Variants in BCAN observed in about 807,000 individuals in gnomAD.
The protein encoded by BCAN is brevican.
Under a neutral mutation model 92.4 loss-of-function variants are expected in BCAN, and 51 were observed. The observed-to-expected ratio is 0.55, with a 90% CI of 0.44 to 0.70. The LOEUF is 0.70. Among genes scored for constraint, BCAN ranks in the 30% least tolerant of loss-of-function variants. The pLI is 0.00. For missense variants in BCAN, 1,140 were observed against 1,212.1 expected (o/e 0.94, Z 0.88); for synonymous variants, 501 against 505.2 (o/e 0.99, Z 0.11).
In BCAN at chr1:156,659,050, G is replaced by A. The variant is rs1350215211; in HGVS notation, c.2652G>A (p.Glu884=). 5.6e-6 allele frequency: 9 copies of A among 1,601,392 alleles called. No individual in the cohort carries two copies. The highest frequency in any genetic ancestry group is 1.3e-5 in the African/African-American group (1 of 74,816). The change falls in exon 14 of 14, where the codon GAG becomes GAA. Residue 884 remains glutamate (E), a synonymous_variant. Transcript: ENST00000329117. ...RRPARALHPE[E]DPEGRQGRLL... is the part of the protein sequence containing the mutation. Reference sequence around the variant, plus strand: ...AGGCCCGAGCTCTGCACCCAGAGGAGGACCCAGAAGGACGTCAGGGGAGGC... The same window carrying A: ...AGGCCCGAGCTCTGCACCCAGAGGAAGACCCAGAAGGACGTCAGGGGAGGC...
chr1:156,647,742 TCTGCTGGGTGCTGC>T lies in BCAN; in HGVS notation c.641+67_641+80del. On this transcript the variant is annotated intron_variant, in intron 4 of 13. Transcript: ENST00000329117. The surrounding 1 kb of genome is among the most constrained non-coding windows in gnomAD (Gnocchi z 4.8). ...CCCCTGAGGTGGCCATGGCCCCCCT[TCTGCTGGGTGCTGC>T]CTGCTGTGTCAGGCTGGACATGCAG... 1.3e-6 allele frequency: 2 copies of T among 1,554,606 alleles called. No individual in the cohort carries two copies. The highest frequency in any genetic ancestry group is 3.7e-4 in the Middle Eastern group (2 of 5,370).
In BCAN at chr1:156,652,242, G is replaced by A. The variant is rs1476986806; in HGVS notation, c.1298-6G>A. 3 of 1,578,718 alleles carry A rather than the reference G, an allele frequency of 1.9e-6. No homozygotes were observed. Among genetic ancestry groups the A allele is most frequent in the Non-Finnish European group, 1.7e-6 (2 of 1,163,676 alleles). The stretch of plus-strand genomic sequence containing the variant: ...CCTGGTGCTGAACCGTTTGTGCTTT[G>A]CCTAGAATTTGAAACACAATCCATG... On this transcript the variant is annotated splice_polypyrimidine_tract_variant and splice_region_variant and intron_variant, in intron 7 of 13. Transcript: ENST00000329117.
chr1:156,642,532 C>T lies in BCAN; in HGVS notation c.-9+257C>T, dbSNP rs1029286153. The T allele has an allele frequency of 6.6e-6, 1 of 152,396 alleles. No individual in the cohort carries two copies. Among genetic ancestry groups the T allele is most frequent in the Non-Finnish European group, 1.5e-5 (1 of 68,160 alleles). 9.4% of individuals were successfully genotyped at this position (152,396 alleles called of 1,614,324 possible). ...CTGCTGCTCGCAGTCTGATCAGCAA[C>T]CCCTCGGGTCCTCGCATCTTCCCTG... is the stretch of plus-strand genomic sequence containing the variant. On this transcript the variant is annotated intron_variant, in intron 1 of 13. Coordinates refer to ENST00000329117, the MANE Select transcript of BCAN (RefSeq NM_021948.5). This position sits in a 1 kb window ranked among gnomAD's most constrained non-coding sequence, Gnocchi z 4.2.
intron 7 of BCAN, 76 bp downstream of exon 7, chr1:156,651,765 G>A: frequency 7.6e-7 from 1 of 1,320,914 alleles, no homozygotes; most frequent in Non-Finnish European, 1.0e-6. Context: ...CCAGGTTGAT[G>A]CTAGGGTGAT....
intron 10 of BCAN, 67 bp downstream of exon 10, chr1:156,657,163 C>A (rs1435015258): frequency 6.4e-7 from 1 of 1,572,344 alleles, no homozygotes. Flanking sequence ...CTCGCCTAAC[C>A]GCCTTCCTCA....
Position 156,647,203 on chromosome 1 carries a change from AGG to A in BCAN, c.466+30_466+31del. 1 of 184,328 alleles carries A rather than the reference AGG, an allele frequency of 5.4e-6. No homozygotes were observed. The highest frequency in any genetic ancestry group is 1.1e-5 in the Non-Finnish European group (1 of 89,692). 11.4% of individuals were successfully genotyped at this position (184,328 alleles called of 1,614,324 possible). A position where few individuals can be genotyped will look rare whatever the true frequency, so the allele number is the denominator to read the frequency against. ...GAGAGGGCAGGGAGGTTCCAGAGGG[AGG>A]GAGGGAGGGAGGGAAGGGAGGACTC... On this transcript the variant is annotated intron_variant, in intron 3 of 13. Coordinates refer to ENST00000329117, the MANE Select transcript of BCAN (RefSeq NM_021948.5). The surrounding 1 kb of genome is among the most constrained non-coding windows in gnomAD (Gnocchi z 4.8).
At chr1:156,651,717 G>A (rs778527596) in intron 7 of BCAN, 28 bp downstream of exon 7, 3 of 1,561,964 alleles carry the variant, frequency 1.9e-6, no homozygotes, top group Non-Finnish European at 2.6e-6. Flanking sequence ...TCCTAAGGAT[G>A]TCTTGATTGA....
At chr1:156,655,984 C>T (rs1056651607) in intron 8 of BCAN, among the ~76,000 whole-genome samples, 36 of 152,320 alleles carry the variant, frequency 2.4e-4, no homozygotes, top group African/African-American at 8.7e-4. Flanking sequence ...GGGCTGGGTT[C>T]TCAGGGCTCT....
At chr1:156,652,184 C>G in intron 7 of BCAN, 64 bp from the exon 8 acceptor site, 2 of 1,524,576 alleles carry the variant, frequency 1.3e-6, no homozygotes, top group Non-Finnish European at 1.8e-6. Context: ...CTCCCCTTCC[C>G]TTTTTCCTTT....
chr1:156,659,135 G>T lies in BCAN; in HGVS notation c.*1G>T. 6.4e-7 allele frequency: 1 copy of T among 1,567,754 alleles called. No individual in the cohort carries two copies. ...TTCCAGCCCCATGCCAGGTCCCTAG[G>T]GGGCAAGGCCTTGAACACTGCCGGC... On this transcript the variant is annotated 3_prime_UTR_variant, in exon 14 of 14. Coordinates refer to ENST00000329117, the MANE Select transcript of BCAN (RefSeq NM_021948.5).
At position 156,658,090 on chromosome 1, in the gene BCAN, G is replaced by A. The variant is rs372343512; in HGVS notation, c.2293-37G>A. On this transcript the variant is annotated intron_variant, in intron 11 of 13. Coordinates refer to ENST00000329117, the MANE Select transcript of BCAN (RefSeq NM_021948.5). The surrounding 1 kb of genome is among the most constrained non-coding windows in gnomAD (Gnocchi z 4.4). Reference sequence around the variant, plus strand: ...TCTAGGCCCTCTCCCGGTGCTCCTGGTGTAGGAGCTCCTCACCACCTCCTC... The same window carrying A: ...TCTAGGCCCTCTCCCGGTGCTCCTGATGTAGGAGCTCCTCACCACCTCCTC... 5.6e-6 allele frequency: 9 copies of A among 1,605,274 alleles called. No homozygotes were observed. The highest frequency in any genetic ancestry group is 1.3e-5 in the African/African-American group (1 of 74,882).
Position 156,658,938 on chromosome 1 carries a change from T to C in BCAN, c.2629-89T>C, listed in dbSNP as rs1679432549. 1.7e-5 allele frequency: 23 copies of C among 1,380,814 alleles called. No homozygotes were observed. Among genetic ancestry groups the C allele is most frequent in the Non-Finnish European group, 2.3e-5 (23 of 1,003,022 alleles). The allele number at this position is 1,380,814 out of a possible 1,614,324, so 85.5% of individuals were successfully genotyped here. A position where few individuals can be genotyped will look rare whatever the true frequency, so the allele number is the denominator to read the frequency against. ...TAACATGCAGCCCCATTCTGGGCTC[T>C]TACGGGCTGAGCAAGAACATCAGAG... On this transcript the variant is annotated intron_variant, in intron 13 of 13. Transcript: ENST00000329117. This position sits in a 1 kb window ranked among gnomAD's most constrained non-coding sequence, Gnocchi z 4.4.
In BCAN at chr1:156,658,522, C is replaced by T. The variant is rs1219621982; in HGVS notation, c.2438-21C>T. ...GTCACCCACAGAGCCAGGCTCAGTT[C>T]CTAACTGTCTTCCTTTGCAGTGTCC... On this transcript the variant is annotated intron_variant, in intron 12 of 13. Coordinates refer to ENST00000329117, the MANE Select transcript of BCAN (RefSeq NM_021948.5). The surrounding 1 kb of genome is among the most constrained non-coding windows in gnomAD (Gnocchi z 4.4). The T allele has an allele frequency of 6.8e-6, 11 of 1,605,930 alleles. No individual in the cohort carries two copies. Among genetic ancestry groups the T allele is most frequent in the Non-Finnish European group, 8.5e-6 (10 of 1,174,246 alleles).
At position 156,646,965 on chromosome 1, in the gene BCAN, C is replaced by CGGGAGG. The variant is rs1447411481; in HGVS notation, c.257_262dup (p.Glu87_Ala88insGlyGlu). ...CAAGTGGACTTTCCTGTCCCGGGGC[C>CGGGAGG]GGGAGGCAGAGGTGCTGGTGGCGCG... On this transcript the variant is annotated inframe_insertion, in exon 3 of 14. Transcript: ENST00000329117. 4 of 1,612,774 alleles carry CGGGAGG rather than the reference C, an allele frequency of 2.5e-6. No individual in the cohort carries two copies. Among genetic ancestry groups the CGGGAGG allele is most frequent in the Admixed American group, 1.7e-5 (1 of 59,956 alleles).
rs772819243 is a variant in BCAN, at chr1:156,658,522, CCTAA to C, written c.2438-18_2438-15del. On this transcript the variant is annotated splice_polypyrimidine_tract_variant and intron_variant, in intron 12 of 13. Transcript: ENST00000329117. This position sits in a 1 kb window ranked among gnomAD's most constrained non-coding sequence, Gnocchi z 4.4. ...GTCACCCACAGAGCCAGGCTCAGTT[CCTAA>C]CTGTCTTCCTTTGCAGTGTCCTGTG... The C allele has an allele frequency of 3.1e-6, 5 of 1,605,930 alleles. No individual in the cohort carries two copies. Among genetic ancestry groups the C allele is most frequent in the African/African-American group, 2.7e-5 (2 of 74,932 alleles).
chr1:156,654,954 C>T (rs1290265548), intron 8 of BCAN, among the ~76,000 whole-genome samples: 2 of 152,214 alleles, frequency 1.3e-5, no homozygotes, highest in Non-Finnish European at 2.9e-5. Flanking sequence ...TCTTTGAATC[C>T]ACTCCAGCTT....
Position 156,658,144 on chromosome 1 carries a change from C to T in BCAN, c.2310C>T (p.Asn770=), listed in dbSNP as rs775564527. The stretch of plus-strand genomic sequence containing the variant: ...TCCCCCAGCTCTATGAGAACTGGAA[C>T]CCTGGGCAGCCTGACAGCTACTTCC... ...DGVPLLYENW[N]PGQPDSYFLS... Residue 770 remains asparagine, a synonymous_variant, in exon 12 of 14, where the codon AAC becomes AAT. Coordinates refer to ENST00000329117, the MANE Select transcript of BCAN (RefSeq NM_021948.5). This position sits in a 1 kb window ranked among gnomAD's most constrained non-coding sequence, Gnocchi z 4.4. The T allele has an allele frequency of 6.2e-7, 1 of 1,614,002 alleles. No individual in the cohort carries two copies. The highest frequency in any genetic ancestry group is 1.1e-5 in the South Asian group (1 of 91,070).
At chr1:156,653,191 C>T in intron 8 of BCAN, 2 of 1,365,898 alleles carry the variant, frequency 1.5e-6, no homozygotes, top group Non-Finnish European at 1.9e-6. Context: ...CCCCACAGAG[C>T]ATCCTCAGGC....
intron 9 of BCAN, 59 bp from the exon 10 acceptor site, chr1:156,656,879 C>A: frequency 6.3e-7 from 1 of 1,585,320 alleles, no homozygotes; most frequent in Non-Finnish European, 8.6e-7. Flanking sequence ...CAGCCCCTTC[C>A]AGGGGACCTG....
Sources: gnomAD v4.1 joint callset for allele counts (sites outside exome capture counted in the v4.1 genomes callset) on GRCh38, gnomAD v4.1.1 for gene constraint, Gnocchi (gnomAD v3.1) non-coding constraint, MANE v1.5 for transcripts, NCBI Gene and HGNC (gene_info 2026-07-23, HGNC 2026-07-21) for gene names.